The following CLCN4 variants were observed in gnomAD, a reference collection of about 807,000 sequenced individuals.
CLCN4 encodes the protein H(+)/Cl(-) exchange transporter 4.
In CLCN4, 1 loss-of-function variant was observed where a neutral mutation model predicts 41.7. The observed-to-expected ratio is 0.02, with a 90% confidence interval of 0.01 to 0.11. The LOEUF (loss-of-function observed/expected upper bound fraction) is 0.11. Ranked by LOEUF, CLCN4 falls within the 10% of genes least tolerant of loss-of-function variation. The pLI is 1.00. For synonymous variants in CLCN4, 277 were observed against 285.8 expected (o/e 0.97, Z 0.31); for missense variants, 287 against 661.0 (o/e 0.43, Z 6.20).
intron 6 of CLCN4, among the ~76,000 whole-genome samples, chrX:10,198,321 C>T (rs1202972343): frequency 1.8e-5 from 2 of 112,441 alleles, no homozygotes; most frequent in African/African-American, 3.2e-5. Flanking sequence ...GATTTACACA[C>T]TGTCTTCAAG....
chrX:10,187,720 T>C, intron 4 of CLCN4, 106 bp downstream of exon 4: 1 of 607,697 alleles, frequency 1.6e-6, no homozygotes, highest in Non-Finnish European at 2.7e-6. Flanking sequence ...CGCTTGTCGC[T>C]TTTACCCCTG....
At chrX:10,183,607 T>C (rs1321557708) in intron 2 of CLCN4, among the ~76,000 whole-genome samples, 2 of 112,260 alleles carry the variant, frequency 1.8e-5, no homozygotes, top group Non-Finnish European at 3.8e-5. Context: ...TTCTTTTTTC[T>C]GCTAACTGGT....
At chrX:10,231,876 A>G (rs1409964505) in intron 12 of CLCN4, among the ~76,000 whole-genome samples, 1 of 112,232 alleles carries the variant, frequency 8.9e-6, no homozygotes, top group Non-Finnish European at 1.9e-5. Flanking sequence ...TGATTTTGGT[A>G]TCCATTGACA....
intron 9 of CLCN4, 92 bp downstream of exon 9, chrX:10,208,682 A>AGGGGAACT: frequency 3.6e-6 from 3 of 827,513 alleles, no homozygotes; most frequent in Non-Finnish European, 5.1e-6. Flanking sequence ...TGGGAAAAAA[A>AGGGGAACT]GGGGAACTGG....
At chrX:10,198,569 A>G (rs773998263) in intron 6 of CLCN4, among the ~76,000 whole-genome samples, 79 of 112,397 alleles carry the variant, frequency 7.0e-4, no homozygotes, top group African/African-American at 2.4e-3. Context: ...GCTAATAGCA[A>G]TCTTTTAAAA....
intron 1 of CLCN4, among the ~76,000 whole-genome samples, chrX:10,157,852 T>C (rs1367033102): frequency 2.7e-5 from 3 of 113,068 alleles, no homozygotes; most frequent in Non-Finnish European, 5.6e-5. Context: ...TGCTTTATTT[T>C]AAATCATCAC....
intron 2 of CLCN4, among the ~76,000 whole-genome samples, chrX:10,165,035 T>G (rs952976767): frequency 8.9e-6 from 1 of 112,702 alleles, no homozygotes; most frequent in African/African-American, 3.2e-5. Context: ...CCTTGTTGCC[T>G]TCTCCAAGTG....
rs376195659 is a variant in CLCN4, at chrX:10,235,929, G to A, written c.*2345G>A. ...AGGTCTTAATGTTAGTGTTGGTGTT[G>A]TGGTTTCTGCGGAACGTTTACAAGT... is the stretch of plus-strand genomic sequence containing the variant. On this transcript the variant is annotated 3_prime_UTR_variant, in exon 13 of 13. Coordinates refer to ENST00000380833, the MANE Select transcript of CLCN4 (RefSeq NM_001830.4). 41 of 112,421 alleles carry A rather than the reference G, an allele frequency of 3.6e-4. 1 individual carries two copies. The highest frequency in any genetic ancestry group is 1.2e-3 in the African/African-American group (37 of 30,930). The allele number at this position is 112,421 out of a possible 1,213,427, so 9.3% of individuals were successfully genotyped here.
intron 2 of CLCN4, among the ~76,000 whole-genome samples, chrX:10,184,095 A>G (rs755549553): frequency 8.9e-6 from 1 of 112,300 alleles, no homozygotes; most frequent in Non-Finnish European, 1.9e-5. Flanking sequence ...CATGATGACA[A>G]TCACATAGGC....
At chrX:10,180,163 A>G (rs1462042356) in intron 2 of CLCN4, among the ~76,000 whole-genome samples, 1 of 111,454 alleles carries the variant, frequency 9.0e-6, no homozygotes, top group Non-Finnish European at 1.9e-5. Flanking sequence ...TTTTTTCTTG[A>G]TAGTTTTCTG....
At chrX:10,229,081 C>T (rs775663676) in intron 12 of CLCN4, among the ~76,000 whole-genome samples, 57 of 111,235 alleles carry the variant, frequency 5.1e-4, no homozygotes, top group Admixed American at 2.5e-3. Context: ...AGAAACCCTG[C>T]GTAAAGCCTT....
intron 2 of CLCN4, among the ~76,000 whole-genome samples, chrX:10,168,929 G>T (rs756391073): frequency 1.8e-5 from 2 of 110,717 alleles, no homozygotes; most frequent in East Asian, 5.7e-4. Flanking sequence ...ATTATGGGAT[G>T]GAGTGGTACC....
chrX:10,171,666 A>G (rs1203669368), intron 2 of CLCN4, among the ~76,000 whole-genome samples: 1 of 112,272 alleles, frequency 8.9e-6, no homozygotes, highest in African/African-American at 3.2e-5. Context: ...GACACATGGC[A>G]TATGCATGGC....
At chrX:10,225,237 C>T (rs769074705) in intron 12 of CLCN4, among the ~76,000 whole-genome samples, 8 of 111,941 alleles carry the variant, frequency 7.1e-5, no homozygotes, top group African/African-American at 2.3e-4. Context: ...TGTTTCTCCA[C>T]ACTCTTGCTC....
chrX:10,214,990 C>T (rs765711573), intron 11 of CLCN4, among the ~76,000 whole-genome samples: 3 of 112,011 alleles, frequency 2.7e-5, no homozygotes, highest in Non-Finnish European at 5.6e-5. Flanking sequence ...CTCAAGGTGG[C>T]AGGGGCAAGG....
intron 12 of CLCN4, among the ~76,000 whole-genome samples, chrX:10,229,740 C>A (rs1925079632): frequency 8.9e-6 from 1 of 111,751 alleles, no homozygotes; most frequent in African/African-American, 3.3e-5. Context: ...TTTTTTATGG[C>A]TGCATAGTAT....
intron 12 of CLCN4, among the ~76,000 whole-genome samples, chrX:10,232,540 T>C (rs1925152124): frequency 8.9e-6 from 1 of 112,234 alleles, no homozygotes; most frequent in Non-Finnish European, 1.9e-5. Flanking sequence ...CAGTGAGTAG[T>C]GTTTTGCAAA....
At chrX:10,158,757 C>T (rs1346257306) in intron 2 of CLCN4, among the ~76,000 whole-genome samples, 2 of 113,359 alleles carry the variant, frequency 1.8e-5, no homozygotes, top group Non-Finnish European at 3.8e-5. Context: ...CAGGCCCACG[C>T]GTGACTTGGG....
At position 10,206,295 on chromosome X, in the gene CLCN4, G is replaced by A; in HGVS notation, c.556-63G>A. 1.2e-5 allele frequency: 10 copies of A among 860,185 alleles called. No homozygotes were observed. In the South Asian group the frequency reaches 2.1e-4, roughly 18 times the overall value. 70.9% of individuals were successfully genotyped at this position (860,185 alleles called of 1,213,427 possible). On this transcript the variant is annotated intron_variant, in intron 6 of 12. Coordinates refer to ENST00000380833, the MANE Select transcript of CLCN4 (RefSeq NM_001830.4). ...GAACGTGTCTCTCAGAGGAATTATAGCTCTTTTCCTAGCCATGGATTGAAG... is the reference window on the plus strand; with the variant it reads ...GAACGTGTCTCTCAGAGGAATTATAACTCTTTTCCTAGCCATGGATTGAAG...
Sources: gnomAD v4.1 joint callset for allele counts (sites outside exome capture counted in the v4.1 genomes callset) on GRCh38, gnomAD v4.1.1 for gene constraint, MANE v1.5 for transcripts, NCBI Gene and HGNC (gene_info 2026-07-23, HGNC 2026-07-21) for gene names.